The following NKIRAS1 variants were observed in gnomAD, a reference collection of about 807,000 sequenced individuals.
NKIRAS1 encodes the protein NFKB inhibitor interacting Ras like 1.
In NKIRAS1, 16 loss-of-function variants were observed where a neutral mutation model predicts 19.8. The observed-to-expected ratio is 0.81, with a 90% confidence interval of 0.55 to 1.23. The LOEUF (loss-of-function observed/expected upper bound fraction) is 1.23, where lower values mean the gene tolerates loss of function less well. Ranked by LOEUF, NKIRAS1 falls within the 50% of genes most tolerant of loss-of-function variation. NKIRAS1 has a pLI of 0.00. For missense variants in NKIRAS1, 184 were observed against 220.0 expected, an observed-to-expected ratio of 0.84 and a Z score of 1.04; for synonymous variants, 88 against 79.0, an observed-to-expected ratio of 1.11 and a Z score of -0.61.
chr3:23,930,826 C>T (rs1271357727), intron 1 of NKIRAS1, among the ~76,000 whole-genome samples: 1 of 151,616 alleles, frequency 6.6e-6, no homozygotes, highest in African/African-American at 2.4e-5. Flanking sequence ...CCTTTACCTC[C>T]TGAGTAGCTG....
chr3:23,919,328 A>C, upstream of NKIRAS1: 1 of 1,603,310 alleles, frequency 6.2e-7, no homozygotes, highest in South Asian at 1.1e-5. Context: ...AAATCCTGAC[A>C]CCCAGTGGAT....
chr3:23,928,674 A>G (rs1186986737), intron 1 of NKIRAS1, among the ~76,000 whole-genome samples: 3 of 144,442 alleles, frequency 2.1e-5, no homozygotes, highest in Non-Finnish European at 4.5e-5. Context: ...GAAGCCTCAA[A>G]GTATGATTTA....
At chr3:23,931,175 C>T (rs1454592514) in intron 1 of NKIRAS1, among the ~76,000 whole-genome samples, 1 of 152,152 alleles carries the variant, frequency 6.6e-6, no homozygotes, top group African/African-American at 2.4e-5. Flanking sequence ...CATCATTGAC[C>T]TGGTTTCTGA....
At chr3:23,929,230 G>A (rs1228048558) in intron 1 of NKIRAS1, among the ~76,000 whole-genome samples, 2 of 151,364 alleles carry the variant, frequency 1.3e-5, no homozygotes, top group Non-Finnish European at 2.9e-5. Flanking sequence ...AGGGCATGGT[G>A]GCAGGCGCCT....
chr3:23,900,730 A>C, intron 4 of NKIRAS1, 78 bp downstream of exon 4: 1 of 1,153,022 alleles, frequency 8.7e-7, no homozygotes, highest in Non-Finnish European at 1.3e-6. Context: ...TGATCTGAAA[A>C]TAAACTACCC....
intron 1 of NKIRAS1, among the ~76,000 whole-genome samples, chr3:23,912,692 T>C (rs1262197350): frequency 6.6e-6 from 1 of 152,154 alleles, no homozygotes; most frequent in Non-Finnish European, 1.5e-5. Context: ...CATTACTGGG[T>C]ATATACCCAA....
rs1701362109 is a variant in NKIRAS1, at chr3:23,890,323, C to G, written c.*2772G>C. Among the ~76,000 whole-genome samples the G allele has an allele frequency of 2.6e-5, 4 of 152,184 alleles. No homozygotes were observed. Among genetic ancestry groups the G allele is most frequent in the African/African-American group, 9.7e-5 (4 of 41,440 alleles). ...GTACACTAAAGCCTAAGCATTCCCT[C>G]TTCCCCCAACGTTATGTTTTTTTGA... is the stretch of plus-strand genomic sequence containing the variant. On this transcript the variant is annotated 3_prime_UTR_variant, in exon 5 of 5. Transcript: ENST00000425478.
intron 1 of NKIRAS1, among the ~76,000 whole-genome samples, chr3:23,944,684 G>A (rs976021377): frequency 6.6e-6 from 1 of 152,196 alleles, no homozygotes; most frequent in African/African-American, 2.4e-5. Flanking sequence ...GATTAGAAGA[G>A]AGGTCTTGGC....
chr3:23,924,996 G>A (rs1003080482), intron 1 of NKIRAS1, among the ~76,000 whole-genome samples: 5 of 152,122 alleles, frequency 3.3e-5, no homozygotes, highest in African/African-American at 7.2e-5. Context: ...GGAACATTGC[G>A]AGGTGTCCAT....
At chr3:23,918,597 G>C, upstream of NKIRAS1, 1 of 1,610,954 alleles carries the variant, frequency 6.2e-7, no homozygotes, top group African/African-American at 1.3e-5. Context: ...TTGAGTAGCA[G>C]TTATATTGAA....
chr3:23,908,853 T>TTTTTTTTC (rs1703343767), intron 3 of NKIRAS1, among the ~76,000 whole-genome samples: 6 of 151,808 alleles, frequency 4.0e-5, no homozygotes, highest in South Asian at 2.1e-4. Context: ...TTTCTTTTTT[T>TTTTTTTTC]TTTTTTTCTT....
upstream of NKIRAS1, among the ~76,000 whole-genome samples, chr3:23,921,222 TC>T (rs1319674343): frequency 5.3e-5 from 8 of 152,226 alleles, no homozygotes; most frequent in Admixed American, 4.6e-4. Context: ...AAAACCTTGT[TC>T]CTGTCCTTGC....
intron 1 of NKIRAS1, among the ~76,000 whole-genome samples, chr3:23,943,401 T>C (rs1299936556): frequency 6.6e-6 from 1 of 152,194 alleles, no homozygotes; most frequent in African/African-American, 2.4e-5. Flanking sequence ...CCGGCTAATT[T>C]TGTATTTTTA....
At chr3:23,909,415 TACTC>T (rs1330520155) in intron 3 of NKIRAS1, among the ~76,000 whole-genome samples, 1 of 152,136 alleles carries the variant, frequency 6.6e-6, no homozygotes, top group Non-Finnish European at 1.5e-5. Context: ...TAGTCCCAGT[TACTC>T]AGGAGGCTGA....
At chr3:23,937,660 G>A (rs2125269884) in intron 1 of NKIRAS1, among the ~76,000 whole-genome samples, 2 of 149,382 alleles carry the variant, frequency 1.3e-5, no homozygotes, top group Middle Eastern at 7.0e-3. Flanking sequence ...TTTTTTATTT[G>A]TTGAACTGTC....
intron 1 of NKIRAS1, among the ~76,000 whole-genome samples, chr3:23,942,254 C>G (rs1705514670): frequency 6.6e-6 from 1 of 152,134 alleles, no homozygotes; most frequent in Non-Finnish European, 1.5e-5. Flanking sequence ...GCTGGGATTA[C>G]AAGCGTGAGC....
At chr3:23,897,798 T>G (rs990968994) in intron 4 of NKIRAS1, among the ~76,000 whole-genome samples, 1 of 152,220 alleles carries the variant, frequency 6.6e-6, no homozygotes, top group Non-Finnish European at 1.5e-5. Context: ...CTCATTGTAA[T>G]GTATTAAATA....
At chr3:23,897,556 A>G (rs902543842) in intron 4 of NKIRAS1, among the ~76,000 whole-genome samples, 1 of 152,180 alleles carries the variant, frequency 6.6e-6, no homozygotes, top group Non-Finnish European at 1.5e-5. Context: ...AAGTGCCCCC[A>G]TCACCTACAA....
At position 23,927,377 on chromosome 3, in the gene NKIRAS1, A is replaced by G. The variant is rs896940105; in HGVS notation, c.-139-15927T>C. Among the ~76,000 whole-genome samples, 3 of 151,554 alleles carry G rather than the reference A, an allele frequency of 2.0e-5. No individual in the cohort carries two copies. The highest frequency in any genetic ancestry group is 4.9e-5 in the African/African-American group (2 of 41,218). ...CTCTATATTTCTTAGTTGAGGAAAG[A>G]AAAAAAAACCTACTGCGAAGGTGCT... On this transcript the variant is annotated intron_variant, in intron 1 of 4. Coordinates refer to the NKIRAS1 transcript ENST00000421515. This position sits in a 1 kb window ranked among gnomAD's most constrained non-coding sequence, Gnocchi z 4.0.
Sources: gnomAD v4.1 joint callset for allele counts (sites outside exome capture counted in the v4.1 genomes callset) on GRCh38, gnomAD v4.1.1 for gene constraint, Gnocchi (gnomAD v3.1) non-coding constraint, MANE v1.5 for transcripts, NCBI Gene and HGNC (gene_info 2026-07-23, HGNC 2026-07-21) for gene names.